Variants in ZC3H12B observed in about 807,000 individuals in gnomAD.
ZC3H12B encodes zinc finger CCCH-type containing 12B, also known as probable ribonuclease ZC3H12B.
A neutral mutation model predicts 43.9 loss-of-function variants in ZC3H12B; 7 were observed. The ratio of observed to expected loss-of-function variants is 0.16; its 90% CI spans 0.09 to 0.30. The LOEUF (loss-of-function observed/expected upper bound fraction) is 0.30. Among genes scored for constraint, ZC3H12B ranks in the 10% least tolerant of loss-of-function variants. The probability of loss-of-function intolerance (pLI) is 1.00; values close to 1 mark genes in which losing one functional copy is unlikely to be tolerated. For synonymous variants in ZC3H12B, 222 were observed against 241.7 expected, an observed-to-expected ratio of 0.92 and a Z score of 0.76; for missense variants, 475 against 670.2, an observed-to-expected ratio of 0.71 and a Z score of 3.22.
chrX:65,111,904 A>G, the ZC3H12B span, among the ~76,000 whole-genome samples: 2 of 111,278 alleles, frequency 1.8e-5, no homozygotes, highest in East Asian at 5.7e-4. Context: ...TGGCCTCTAA[A>G]TGTTCAAGTG....
At chrX:65,489,067 C>T (rs747619991) in exon 1 of ZC3H12B, 2 of 1,210,051 alleles carry the variant, frequency 1.7e-6, no homozygotes, top group African/African-American at 3.5e-5. Context: ...CTAGATCGTC[C>T]AAGTTTCTCC....
the ZC3H12B span, among the ~76,000 whole-genome samples, chrX:65,054,257 C>T: frequency 2.7e-5 from 3 of 112,012 alleles, no homozygotes; most frequent in South Asian, 1.1e-3. Context: ...ACATTCAGGT[C>T]TTTAATCCAT....
chrX:65,119,823 A>G, the ZC3H12B span, among the ~76,000 whole-genome samples: 1 of 111,872 alleles, frequency 8.9e-6, no homozygotes, highest in Non-Finnish European at 1.9e-5. Context: ...TAATTTTTGT[A>G]TAAGGTGTAA....
chrX:65,129,032 C>A, the ZC3H12B span, among the ~76,000 whole-genome samples: 1 of 110,317 alleles, frequency 9.1e-6, no homozygotes, highest in Non-Finnish European at 1.9e-5. Flanking sequence ...TATTTTATTT[C>A]CATTTAATGT....
chrX:65,269,991 A>G, the ZC3H12B span, among the ~76,000 whole-genome samples: 4 of 111,997 alleles, frequency 3.6e-5, no homozygotes, highest in Non-Finnish European at 5.6e-5. Context: ...GGTAGTTTCT[A>G]TCAAATCTCC....
the ZC3H12B span, among the ~76,000 whole-genome samples, chrX:65,336,542 C>T: frequency 8.9e-6 from 1 of 112,484 alleles, no homozygotes; most frequent in African/African-American, 3.2e-5. Context: ...AAATTTGCCC[C>T]AGGTTGTGTC....
the ZC3H12B span, among the ~76,000 whole-genome samples, chrX:65,065,598 G>T: frequency 2.1e-4 from 23 of 111,319 alleles, no homozygotes; most frequent in East Asian, 5.1e-3. Context: ...TTCAACCTTG[G>T]TGAATCTGAC....
At chrX:65,504,202 T>C (rs902534872) in exon 5 of ZC3H12B, 9 of 112,178 alleles carry the variant, frequency 8.0e-5, no homozygotes, top group Non-Finnish European at 1.5e-4. Context: ...ATATATTTGG[T>C]TTGAGATGTG....
At chrX:65,206,412 A>T in the ZC3H12B span, among the ~76,000 whole-genome samples, 2 of 112,076 alleles carry the variant, frequency 1.8e-5, no homozygotes, top group African/African-American at 6.5e-5. Flanking sequence ...AAAGTAGGGA[A>T]AGGACACCCT....
At chrX:65,318,471 G>A in the ZC3H12B span, among the ~76,000 whole-genome samples, 1 of 105,892 alleles carries the variant, frequency 9.4e-6, no homozygotes, top group Non-Finnish European at 1.9e-5. Flanking sequence ...CTGGAGTGTG[G>A]TGGTGTGATC....
the ZC3H12B span, among the ~76,000 whole-genome samples, chrX:65,191,069 G>A: frequency 1.1e-5 from 1 of 89,179 alleles, no homozygotes; most frequent in Non-Finnish European, 2.1e-5. Context: ...TGTGGTTTTT[G>A]TCTTTGGCTC....
At chrX:65,120,456 A>G in the ZC3H12B span, among the ~76,000 whole-genome samples, 2 of 110,827 alleles carry the variant, frequency 1.8e-5, no homozygotes, top group Admixed American at 9.6e-5. Context: ...TTTGTCTGTT[A>G]TTGGTGTGTA....
At chrX:65,126,731 C>T in the ZC3H12B span, among the ~76,000 whole-genome samples, 2 of 98,000 alleles carry the variant, frequency 2.0e-5, no homozygotes, top group South Asian at 9.3e-4. Flanking sequence ...TAGGTTAGTT[C>T]AAAAGCCTTG....
chrX:65,131,242 G>A, the ZC3H12B span, among the ~76,000 whole-genome samples: 1 of 111,350 alleles, frequency 9.0e-6, no homozygotes, highest in Non-Finnish European at 1.9e-5. Context: ...TTGCTGGTGA[G>A]GGGTGATTAG....
At chrX:65,267,702 G>A in the ZC3H12B span, among the ~76,000 whole-genome samples, 3 of 111,133 alleles carry the variant, frequency 2.7e-5, no homozygotes, top group Admixed American at 9.6e-5. Flanking sequence ...AATCAAAAGG[G>A]GAATTTTTAA....
rs973130610 is a variant in ZC3H12B at position 65,408,139 on chromosome X, G to A, written n.407+9435G>A. 5 of 1,199,420 alleles carry A rather than the reference G, an allele frequency of 4.2e-6. No individual in the cohort carries two copies. The African/African-American group carries it at 8.7e-5, about 21-fold the overall frequency. On this transcript the variant is annotated intron_variant and non_coding_transcript_variant, in intron 3 of 5. Coordinates refer to the ZC3H12B transcript ENST00000617377. Reference sequence around the variant, plus strand: ...ACCAGGCTGCAGGCCAGCCCTTCAAGTTCAGTATCGCGGAGTCCCTGGACC... The same window carrying A: ...ACCAGGCTGCAGGCCAGCCCTTCAAATTCAGTATCGCGGAGTCCCTGGACC...
chrX:65,128,294 A>T, the ZC3H12B span, among the ~76,000 whole-genome samples: 26 of 111,752 alleles, frequency 2.3e-4, no homozygotes, highest in Non-Finnish European at 3.8e-4. Context: ...AATATATTTT[A>T]TTTCTCCTGA....
the ZC3H12B span, among the ~76,000 whole-genome samples, chrX:65,120,990 G>C: frequency 1.8e-5 from 2 of 111,213 alleles, no homozygotes; most frequent in Non-Finnish European, 3.8e-5. Context: ...TTTCATCCCA[G>C]GGATGAAGCC....
At chrX:65,200,211 G>C in the ZC3H12B span, among the ~76,000 whole-genome samples, 2 of 110,875 alleles carry the variant, frequency 1.8e-5, no homozygotes, top group Non-Finnish European at 3.8e-5. Context: ...CAGTGATGTT[G>C]AGGTTCTTTT....
Sources: gnomAD v4.1 joint callset for allele counts (sites outside exome capture counted in the v4.1 genomes callset) on GRCh38, gnomAD v4.1.1 for gene constraint, MANE v1.5 for transcripts, NCBI Gene and HGNC (gene_info 2026-07-23, HGNC 2026-07-21) for gene names.